The following TYW1 variants were observed in gnomAD, a reference collection of about 807,000 sequenced individuals.
TYW1 encodes S-adenosyl-L-methionine-dependent tRNA 4-demethylwyosine synthase TYW1.
A neutral mutation model predicts 96.2 loss-of-function variants in TYW1; 46 were observed. The ratio of observed to expected loss-of-function variants is 0.48; its 90% CI spans 0.38 to 0.61. The LOEUF (loss-of-function observed/expected upper bound fraction) is 0.61. Ranked by LOEUF, TYW1 falls within the 20% of genes least tolerant of loss-of-function variation. The probability of loss-of-function intolerance (pLI) is 0.00; values close to 1 mark genes in which losing one functional copy is unlikely to be tolerated. For synonymous variants in TYW1, 274 were observed against 323.0 expected (o/e 0.85, Z 1.63); for missense variants, 684 against 909.6 (o/e 0.75, Z 3.19).
chr7:67,177,073 C>A (rs1196571255), intron 13 of TYW1, among the ~76,000 whole-genome samples: 1 of 152,184 alleles, frequency 6.6e-6, no homozygotes, highest in Non-Finnish European at 1.5e-5. Context: ...CAATGAGAAA[C>A]AATTAGATCA....
At chr7:67,054,753 A>G (rs1795457497) in intron 8 of TYW1, among the ~76,000 whole-genome samples, 1 of 152,202 alleles carries the variant, frequency 6.6e-6, no homozygotes, top group African/African-American at 2.4e-5. Flanking sequence ...ATTGTGGCTT[A>G]TTACCTGAAG....
chr7:67,098,160 T>C (rs1477947776), intron 11 of TYW1, among the ~76,000 whole-genome samples: 3 of 152,196 alleles, frequency 2.0e-5, no homozygotes, highest in African/African-American at 7.2e-5. Context: ...TTCAGGATAC[T>C]TGAGGAATGA....
intron 13 of TYW1, among the ~76,000 whole-genome samples, chr7:67,165,579 C>A (rs180956951): frequency 6.6e-6 from 1 of 152,100 alleles, no homozygotes; most frequent in East Asian, 1.9e-4. Flanking sequence ...TATTTAAAAT[C>A]TAATAACAGA....
intron 15 of TYW1, among the ~76,000 whole-genome samples, chr7:67,229,175 CAGAT>C (rs1399432636): frequency 4.6e-5 from 7 of 152,168 alleles, no homozygotes; most frequent in African/African-American, 1.7e-4. Flanking sequence ...AAATAATTAA[CAGAT>C]AGTAGGCTTT....
chr7:67,103,528 T>C (rs1354564563), intron 12 of TYW1, among the ~76,000 whole-genome samples: 1 of 152,210 alleles, frequency 6.6e-6, no homozygotes, highest in African/African-American at 2.4e-5. Flanking sequence ...TTTAAACTAA[T>C]ACTTTCAGGA....
chr7:67,168,746 C>CTGTT (rs1490952746), intron 13 of TYW1, among the ~76,000 whole-genome samples: 1 of 151,696 alleles, frequency 6.6e-6, no homozygotes, highest in Non-Finnish European at 1.5e-5. Flanking sequence ...GAGTCTGGCT[C>CTGTT]TGTTGCCCAG....
At chr7:67,186,899 G>C (rs1179285029) in intron 14 of TYW1, among the ~76,000 whole-genome samples, 1 of 152,026 alleles carries the variant, frequency 6.6e-6, no homozygotes, top group Non-Finnish European at 1.5e-5. Context: ...GATAGGCCTT[G>C]TTAAAGCTCT....
chr7:67,192,415 A>G (rs1268041753), intron 14 of TYW1, among the ~76,000 whole-genome samples: 2 of 152,184 alleles, frequency 1.3e-5, no homozygotes, highest in Non-Finnish European at 2.9e-5. Context: ...CGAAGACAAG[A>G]TTTTATCTAA....
At chr7:67,189,322 TTGTG>T (rs60234126) in intron 14 of TYW1, among the ~76,000 whole-genome samples, 38,083 of 151,366 alleles carry the variant, frequency 0.25, 4,923 homozygotes, top group African/African-American at 0.3. Context: ...TGCATCTGTG[TTGTG>T]TGTGTGCATG....
At chr7:67,017,809 A>C in intron 5 of TYW1, 44 bp from the exon 6 acceptor site, 2 of 1,572,372 alleles carry the variant, frequency 1.3e-6, no homozygotes, top group Non-Finnish European at 1.7e-6. Flanking sequence ...GAAAACCCTG[A>C]TTTAGAGAAC....
chr7:67,202,179 C>A (rs1413684545), intron 15 of TYW1, among the ~76,000 whole-genome samples: 1 of 151,844 alleles, frequency 6.6e-6, no homozygotes, highest in African/African-American at 2.4e-5. Flanking sequence ...CAGATCTTGT[C>A]ATTTTCCAGT....
Position 67,207,094 on chromosome 7 carries a change from A to C in TYW1, c.1977+11757A>C, listed in dbSNP as rs912895420. 3.3e-5 allele frequency among the ~76,000 whole-genome samples: 5 copies of C among 152,166 alleles called. No individual in the cohort carries two copies. In the East Asian group the frequency reaches 9.6e-4, roughly 29 times the overall value. ...TCACCTTGTGTAGTTCCACTCTTTA[A>C]AATTGTAAAACAAACTTCTTTTCCT... On this transcript the variant is annotated intron_variant, in intron 15 of 15. Transcript: ENST00000359626.
intron 7 of TYW1, among the ~76,000 whole-genome samples, chr7:67,025,836 A>T (rs1321148486): frequency 6.6e-6 from 1 of 152,204 alleles, no homozygotes; most frequent in East Asian, 1.9e-4. Flanking sequence ...GAATCCCCCA[A>T]ATTAAAATTA....
chr7:67,199,188 C>A (rs1563067571), intron 15 of TYW1, among the ~76,000 whole-genome samples: 1 of 151,622 alleles, frequency 6.6e-6, no homozygotes, highest in Non-Finnish European at 1.5e-5. Flanking sequence ...CAGAGTGAGA[C>A]CATCTCAAAA....
At chr7:67,153,987 G>A (rs1798888372) in intron 13 of TYW1, among the ~76,000 whole-genome samples, 1 of 149,214 alleles carries the variant, frequency 6.7e-6, no homozygotes, top group Admixed American at 6.9e-5. Context: ...GAGCGCAGTG[G>A]CGTGACCTTA....
chr7:67,067,547 T>G, intron 10 of TYW1, 144 bp downstream of exon 10: 1 of 967,036 alleles, frequency 1.0e-6, no homozygotes, highest in Non-Finnish European at 1.5e-6. Flanking sequence ...GTATAAAAAT[T>G]TTGTAGACAA....
At chr7:67,113,660 G>A (rs1224823272) in intron 12 of TYW1, among the ~76,000 whole-genome samples, 2 of 104,710 alleles carry the variant, frequency 1.9e-5, no homozygotes, top group Non-Finnish European at 2.0e-5. Context: ...TTTTTTTGAT[G>A]TGGAGTCTTG....
chr7:67,226,603 T>G (rs28502004), intron 15 of TYW1, among the ~76,000 whole-genome samples: 5 of 151,928 alleles, frequency 3.3e-5, no homozygotes, highest in Admixed American at 1.3e-4. Flanking sequence ...ACTCTGCTGC[T>G]TGAATGTTCA....
chr7:67,143,868 G>GT (rs1475958329), intron 13 of TYW1, among the ~76,000 whole-genome samples: 26 of 151,884 alleles, frequency 1.7e-4, no homozygotes, highest in Admixed American at 8.5e-4. Flanking sequence ...CTGAGAAAGC[G>GT]TTTTTTGGTG....
Sources: gnomAD v4.1 joint callset for allele counts (sites outside exome capture counted in the v4.1 genomes callset) on GRCh38, gnomAD v4.1.1 for gene constraint, MANE v1.5 for transcripts, NCBI Gene and HGNC (gene_info 2026-07-23, HGNC 2026-07-21) for gene names.